The following ZBTB49 variants were observed in gnomAD, a reference collection of about 807,000 sequenced individuals.
ZBTB49 encodes zinc finger and BTB domain-containing protein 49.
A neutral mutation model predicts 57.5 loss-of-function variants in ZBTB49; 43 were observed. The observed-to-expected ratio is 0.75, with a 90% confidence interval of 0.59 to 0.97. The LOEUF is 0.97. Among genes scored for constraint, ZBTB49 ranks in the 50% least tolerant of loss-of-function variants. The pLI, the probability that ZBTB49 is intolerant of heterozygous loss-of-function variation, is 0.00. For synonymous variants in ZBTB49, 369 were observed against 362.1 expected (o/e 1.02, Z -0.22); for missense variants, 938 against 947.7 (o/e 0.99, Z 0.13).
intron 4 of ZBTB49, among the ~76,000 whole-genome samples, chr4:4,306,812 C>T (rs1035492683): frequency 3.9e-5 from 6 of 152,168 alleles, no homozygotes; most frequent in South Asian, 4.1e-4. Flanking sequence ...AACTATTCAC[C>T]GCCATGTGCA....
At chr4:4,309,973 A>G (rs1720914962) in intron 4 of ZBTB49, among the ~76,000 whole-genome samples, 1 of 152,200 alleles carries the variant, frequency 6.6e-6, no homozygotes, top group South Asian at 2.1e-4. Flanking sequence ...CTGACTTTTA[A>G]TATCTGGGAT....
At chr4:4,293,665 G>C (rs1046399706) in intron 1 of ZBTB49, among the ~76,000 whole-genome samples, 5 of 152,248 alleles carry the variant, frequency 3.3e-5, no homozygotes, top group African/African-American at 1.2e-4. Context: ...TCAATTCTAT[G>C]TGGTGTCAAC....
rs1052000774 is a variant in ZBTB49 at position 4,312,908 on chromosome 4, G to T, written c.1303-133G>T. On this transcript the variant is annotated intron_variant, in intron 4 of 7. Coordinates refer to ENST00000337872, the MANE Select transcript of ZBTB49 (RefSeq NM_145291.4). The stretch of plus-strand genomic sequence containing the variant: ...TCTTGCCCATGGCTTCTTTTGAGTT[G>T]TGTGTAGCTCATCTTCATCTGGAAT... 2.1e-6 allele frequency: 2 copies of T among 973,246 alleles called. No homozygotes were observed. Among genetic ancestry groups the T allele is most frequent in the Non-Finnish European group, 3.0e-6 (2 of 662,456 alleles). 60.3% of individuals were successfully genotyped at this position (973,246 alleles called of 1,614,324 possible).
chr4:4,296,538 C>T (rs1350283344), intron 1 of ZBTB49, among the ~76,000 whole-genome samples: 1 of 152,210 alleles, frequency 6.6e-6, no homozygotes, highest in African/African-American at 2.4e-5. Context: ...CCTTGCCTTT[C>T]ACCTTCTGCC....
Position 4,290,538 on chromosome 4 carries a change from C to G in ZBTB49, c.-20+186C>G, listed in dbSNP as rs553663377. On this transcript the variant is annotated intron_variant, in intron 1 of 7. Coordinates refer to ENST00000337872, the MANE Select transcript of ZBTB49 (RefSeq NM_145291.4). ...CTGCGAGAGTCAGCGAGCATTTGCT[C>G]TGTGCCGGGCATCACAGGGGACGCG... Among the ~76,000 whole-genome samples, 7 of 152,374 alleles carry G rather than the reference C, an allele frequency of 4.6e-5. No individual in the cohort carries two copies. The East Asian group carries it at 1.3e-3, about 29-fold the overall frequency.
chr4:4,292,348 C>G (rs1223415259), intron 1 of ZBTB49, among the ~76,000 whole-genome samples: 1 of 152,178 alleles, frequency 6.6e-6, no homozygotes, highest in Non-Finnish European at 1.5e-5. Context: ...ACTGATGCTT[C>G]ATGAAGACAT....
intron 7 of ZBTB49, among the ~76,000 whole-genome samples, chr4:4,318,613 CA>C (rs1178943016): frequency 6.6e-6 from 1 of 151,940 alleles, no homozygotes; most frequent in Non-Finnish European, 1.5e-5. Context: ...ATCTCAAAAA[CA>C]AAAACAAAAA....
intron 4 of ZBTB49, among the ~76,000 whole-genome samples, chr4:4,312,527 C>A (rs771985661): frequency 4.9e-4 from 75 of 152,152 alleles, no homozygotes; most frequent in South Asian, 1.7e-3. Flanking sequence ...AATTGAGAAA[C>A]CTGTCAGAAA....
At chr4:4,297,132 G>A (rs144068391) in intron 1 of ZBTB49, among the ~76,000 whole-genome samples, 7 of 152,210 alleles carry the variant, frequency 4.6e-5, no homozygotes, top group East Asian at 1.9e-4. Flanking sequence ...GTGCAATGGC[G>A]CGATCTCAGC....
intron 3 of ZBTB49, among the ~76,000 whole-genome samples, chr4:4,305,630 T>C (rs1720701076): frequency 2.6e-5 from 4 of 152,186 alleles, no homozygotes; most frequent in Admixed American, 2.6e-4. Context: ...CTTTCTCTCG[T>C]GAGAACCAAG....
rs775279347 is a variant in ZBTB49, at chr4:4,320,869, C to T, written c.1851C>T (p.Phe617=). The T allele has an allele frequency of 1.2e-6, 2 of 1,614,242 alleles. No individual in the cohort carries two copies. Among genetic ancestry groups the T allele is most frequent in the South Asian group, 2.2e-5 (2 of 91,082 alleles). The change falls in exon 8 of 8, where the codon TTC becomes TTT. Residue 617 remains phenylalanine, a synonymous_variant. Transcript: ENST00000337872. The stretch of plus-strand genomic sequence containing the variant: ...AGAAATCTCAGAGCTCAGACTCTTT[C>T]TCCCAAGACACGTCTGTGACGCTGA... ...DLEKSQSSDS[F]SQDTSVTLMP...
At chr4:4,317,507 C>G (rs1721237380) in intron 7 of ZBTB49, among the ~76,000 whole-genome samples, 1 of 152,138 alleles carries the variant, frequency 6.6e-6, no homozygotes, top group South Asian at 2.1e-4. Context: ...TGGCCCCTGG[C>G]TGCCACTCAT....
chr4:4,291,588 G>A (rs936392343), intron 1 of ZBTB49, among the ~76,000 whole-genome samples: 2 of 152,236 alleles, frequency 1.3e-5, no homozygotes, highest in African/African-American at 2.4e-5. Flanking sequence ...AGGCTTAAAA[G>A]CAGGGTGCTC....
At chr4:4,317,652 G>A (rs1295807513) in intron 7 of ZBTB49, among the ~76,000 whole-genome samples, 1 of 152,010 alleles carries the variant, frequency 6.6e-6, no homozygotes, top group East Asian at 1.9e-4. Context: ...AGGCTTGTGT[G>A]GGGGTGTGTT....
At chr4:4,311,543 T>G (rs1394963155) in intron 4 of ZBTB49, among the ~76,000 whole-genome samples, 1 of 152,254 alleles carries the variant, frequency 6.6e-6, no homozygotes, top group Non-Finnish European at 1.5e-5. Flanking sequence ...TAGAGGAGTT[T>G]AGATTCACAG....
intron 2 of ZBTB49, among the ~76,000 whole-genome samples, chr4:4,300,887 CTT>C (rs929260016): frequency 1.1e-4 from 17 of 150,684 alleles, no homozygotes; most frequent in African/African-American, 3.7e-4. Context: ...TTTTAAAGTA[CTT>C]TTTGTTTCCA....
At chr4:4,313,917 G>A (rs1721081086) in intron 5 of ZBTB49, among the ~76,000 whole-genome samples, 1 of 152,188 alleles carries the variant, frequency 6.6e-6, no homozygotes, top group South Asian at 2.1e-4. Flanking sequence ...GACACCTGCT[G>A]TATGCCAAGT....
At chr4:4,294,358 A>G (rs1227174507) in intron 1 of ZBTB49, among the ~76,000 whole-genome samples, 1 of 152,068 alleles carries the variant, frequency 6.6e-6, no homozygotes, top group Non-Finnish European at 1.5e-5. Context: ...ATATGGAATA[A>G]TAATAATTAT....
At chr4:4,296,051 G>T (rs1214281661) in intron 1 of ZBTB49, among the ~76,000 whole-genome samples, 5 of 152,090 alleles carry the variant, frequency 3.3e-5, no homozygotes, top group African/African-American at 1.2e-4. Context: ...CTATGGTGCT[G>T]CACCTTAAGG....
Sources: allele counts gnomAD v4.1 joint callset (sites outside exome capture counted in the v4.1 genomes callset), GRCh38; gene constraint gnomAD v4.1.1; transcripts MANE v1.5; gene names NCBI Gene and HGNC (gene_info 2026-07-23, HGNC 2026-07-21).